The following TEX55 variants were observed in gnomAD, a reference collection of about 807,000 sequenced individuals.
TEX55 encodes testis expressed 55.
Under a neutral mutation model 44.6 loss-of-function variants are expected in TEX55, and 31 were observed. That is an observed-to-expected ratio of 0.69 (90% CI 0.52 to 0.94). TEX55 has a LOEUF of 0.94. Ranked by LOEUF, TEX55 falls within the 40% of genes least tolerant of loss-of-function variation. The probability of loss-of-function intolerance (pLI) is 0.00; values close to 1 mark genes in which losing one functional copy is unlikely to be tolerated. For synonymous variants in TEX55, 230 were observed against 230.9 expected, an observed-to-expected ratio of 1.00 and a Z score of 0.04; for missense variants, 639 against 638.4, an observed-to-expected ratio of 1.00 and a Z score of -0.01.
chr3:119,147,680 T>C, intron 1 of TEX55, 93 bp downstream of exon 1: 1 of 1,042,246 alleles, frequency 9.6e-7, no homozygotes, highest in Non-Finnish European at 1.4e-6. Flanking sequence ...GAAGGGCACA[T>C]GTTGCATCAA....
At position 119,148,209 on chromosome 3, in the gene TEX55, G is replaced by T. The variant is rs200242415; in HGVS notation, c.1428G>T (p.Lys476Asn). The T allele has an allele frequency of 2.0e-5, 32 of 1,608,386 alleles. No homozygotes were observed. The highest frequency in any genetic ancestry group is 1.8e-5 in the Non-Finnish European group (21 of 1,178,416). Residue 476 changes from lysine (K) to asparagine (N), a missense_variant, in exon 2 of 3, where the codon AAG becomes AAT. Coordinates refer to ENST00000295622, the MANE Select transcript of TEX55 (RefSeq NM_152539.3). The stretch of plus-strand genomic sequence containing the variant: ...AATTTTCAGAAATTGACCAAGGAAA[G>T]GGTTATCATATACGCAATCAAACTT... ...SDEFSEIDQG[K>N]GYHIRNQTYR...
At position 119,147,638 on chromosome 3, in the gene TEX55, G is replaced by A. The variant is rs138663419; in HGVS notation, c.1398+51G>A. ...TACCTGGGAGATCAGAGATCTAGAC[G>A]GGGCCTGGAGAGTAAAAATAGGGGT... On this transcript the variant is annotated intron_variant, in intron 1 of 2. Coordinates refer to ENST00000295622, the MANE Select transcript of TEX55 (RefSeq NM_152539.3). The A allele has an allele frequency of 7.0e-5, 103 of 1,474,622 alleles. No individual in the cohort carries two copies. In the African/African-American group the frequency reaches 1.1e-3, roughly 16 times the overall value. 91.3% of individuals were successfully genotyped at this position (1,474,622 alleles called of 1,614,324 possible).
In TEX55 at chr3:119,147,503, T is replaced by C. The variant is rs2077739068; in HGVS notation, c.1314T>C (p.Ala438=). Residue 438 remains alanine (A), a synonymous_variant, in exon 1 of 3, where the codon GCT becomes GCC. Transcript: ENST00000295622. Reference sequence around the variant, plus strand: ...GTAACTTCCAAGCAAAAGACCAAGCTCTTTTCCCAAGACTCCCCTCCATCT... The same window carrying C: ...GTAACTTCCAAGCAAAAGACCAAGCCCTTTTCCCAAGACTCCCCTCCATCT... ...FTSNFQAKDQ[A]LFPRLPSISS... is the part of the protein sequence containing the mutation. The C allele has an allele frequency of 6.2e-7, 1 of 1,613,900 alleles. No individual in the cohort carries two copies.
Position 119,147,395 on chromosome 3 carries a change from C to A in TEX55, c.1206C>A (p.Leu402=). 1 of 1,614,186 alleles carries A rather than the reference C, an allele frequency of 6.2e-7. No individual in the cohort carries two copies. Among genetic ancestry groups the A allele is most frequent in the African/African-American group, 1.3e-5 (1 of 75,052 alleles). Residue 402 remains leucine (L), a synonymous_variant, in exon 1 of 3, where the codon CTC becomes CTA. Coordinates refer to ENST00000295622, the MANE Select transcript of TEX55 (RefSeq NM_152539.3). ...AATTTGAGGATAGCCAAGTAGACCT[C>A]AATTCCAAGCCTTCAGTTGAAATGG... ...PCKFEDSQVD[L]NSKPSVEMET...
At chr3:119,150,202 G>T (rs543155110) in intron 2 of TEX55, among the ~76,000 whole-genome samples, 1 of 152,040 alleles carries the variant, frequency 6.6e-6, no homozygotes, top group South Asian at 2.1e-4. Flanking sequence ...CTTTTTGTTG[G>T]AAGAGTACTA....
intron 2 of TEX55, among the ~76,000 whole-genome samples, chr3:119,149,346 G>A (rs571181465): frequency 2.0e-5 from 3 of 152,084 alleles, no homozygotes; most frequent in Admixed American, 6.5e-5. Flanking sequence ...ATGCCTACAG[G>A]ATCAGGATCA....
At chr3:119,147,880 T>C (rs2077745088) in intron 1 of TEX55, among the ~76,000 whole-genome samples, 1 of 152,222 alleles carries the variant, frequency 6.6e-6, no homozygotes. Flanking sequence ...TCTGTGATAT[T>C]AAGTCATTTT....
Position 119,151,367 on chromosome 3 carries a change from C to A in TEX55, c.*75C>A, listed in dbSNP as rs1471726336. The A allele has an allele frequency of 1.9e-5, 23 of 1,240,738 alleles. No homozygotes were observed. In the South Asian group the frequency reaches 2.7e-4, roughly 14 times the overall value. The allele number at this position is 1,240,738 out of a possible 1,614,324, so 76.9% of individuals were successfully genotyped here. The stretch of plus-strand genomic sequence containing the variant: ...CACACATACAGCAAAGTGTATAGAA[C>A]AAAGTACGTACAACTCTGAATTCTT... On this transcript the variant is annotated 3_prime_UTR_variant, in exon 3 of 3. Transcript: ENST00000295622.
At position 119,146,279 on chromosome 3, in the gene TEX55, GGAA is replaced by G. The variant is rs147862138; in HGVS notation, c.96_98del (p.Glu32del). ...CAAGTGCTGGCCACACTAAGGGCCA[GGAA>G]GAAGACGACCAGAAGAACCAGGCCG... On this transcript the variant is annotated inframe_deletion, in exon 1 of 3. Transcript: ENST00000295622. 0.013 allele frequency: 21,585 copies of G among 1,614,100 alleles called. 722 individuals carry two copies. The East Asian group carries it at 0.14, about 11-fold the overall frequency.
Position 119,147,586 on chromosome 3 carries a change from C to A in TEX55, c.1397C>A (p.Ser466Tyr). 3 of 1,610,318 alleles carry A rather than the reference C, an allele frequency of 1.9e-6. No individual in the cohort carries two copies. The highest frequency in any genetic ancestry group is 2.5e-6 in the Non-Finnish European group (3 of 1,178,190). The change falls in exon 1 of 3, where the codon TCT (serine) becomes TAT (tyrosine). Residue 466 changes from serine to tyrosine, a missense_variant and splice_region_variant. Physicochemically the swap from Ser to Tyr is moderately radical, Grantham distance 144. Transcript: ENST00000295622. ...AAAACTCAAGCCATAGTAACCAAAT[C>A]TGTAAGTTAAATGGGCATTTGATAC... ...QEKTQAIVTK[S>Y]DEFSEIDQGK...
In TEX55 at chr3:119,146,985, G is replaced by T. The variant is rs751336847; in HGVS notation, c.796G>T (p.Val266Phe). The T allele has an allele frequency of 1.2e-6, 2 of 1,614,242 alleles. No individual in the cohort carries two copies. The highest frequency in any genetic ancestry group is 1.1e-5 in the South Asian group (1 of 91,088). Residue 266 changes from valine to phenylalanine, a missense_variant, in exon 1 of 3, where the codon GTT (valine) becomes TTT (phenylalanine). Val to Phe is a conservative substitution (Grantham distance 50, BLOSUM62 -1). Coordinates refer to ENST00000295622, the MANE Select transcript of TEX55 (RefSeq NM_152539.3). ...GATTGACCGCAGAATGTCAGGGAAA[G>T]TTAGGAGAAGAAGTTCTGAGAAGAC... Reference protein sequence around the residue: ...VQIDRRMSGKVRRRSSEKTDY... With the variant: ...VQIDRRMSGKFRRRSSEKTDY...
chr3:119,151,304 A>C lies in TEX55; in HGVS notation c.*12A>C. 1 of 1,611,090 alleles carries C rather than the reference A, an allele frequency of 6.2e-7. No individual in the cohort carries two copies. Among genetic ancestry groups the C allele is most frequent in the Middle Eastern group, 1.7e-4 (1 of 6,052 alleles). On this transcript the variant is annotated 3_prime_UTR_variant, in exon 3 of 3. Coordinates refer to ENST00000295622, the MANE Select transcript of TEX55 (RefSeq NM_152539.3). ...TGTGCCAGGTATAGAATTGGAGAAA[A>C]AGAACAACCTTTTTATTCTCTTTAT...
At position 119,147,575 on chromosome 3, in the gene TEX55, A is replaced by G. The variant is rs2077740105; in HGVS notation, c.1386A>G (p.Ile462Met). Residue 462 changes from isoleucine (I) to methionine (M), a missense_variant, in exon 1 of 3, where the codon ATA becomes ATG. Physicochemically the swap from Ile to Met is conservative, Grantham distance 10 (BLOSUM62 1). Coordinates refer to ENST00000295622, the MANE Select transcript of TEX55 (RefSeq NM_152539.3). ...YTSSQEKTQA[I>M]VTKSDEFSEI... ...GCAGTCAAGAAAAAACTCAAGCCAT[A>G]GTAACCAAATCTGTAAGTTAAATGG... 3 of 1,612,936 alleles carry G rather than the reference A, an allele frequency of 1.9e-6. No individual in the cohort carries two copies. The highest frequency in any genetic ancestry group is 2.5e-6 in the Non-Finnish European group (3 of 1,179,510).
rs765937212 is a variant in TEX55, at chr3:119,146,880, T to C, written c.691T>C (p.Ser231Pro). ...TTCTGTGCAGATTGACAGTGGGTCA[T>C]CCGTCCCATCTGACCAAAGTCCTTC... is the stretch of plus-strand genomic sequence containing the variant. ...RPSVQIDSGS[S>P]VPSDQSPSVQ... Residue 231 changes from serine (S) to proline (P), a missense_variant, in exon 1 of 3, where the codon TCC (serine) becomes CCC (proline). Transcript: ENST00000295622. 1 of 1,614,174 alleles carries C rather than the reference T, an allele frequency of 6.2e-7. No individual in the cohort carries two copies.
rs533220309 is a variant in TEX55 at position 119,148,220 on chromosome 3, T to C, written c.1439T>C (p.Ile480Thr). The stretch of plus-strand genomic sequence containing the variant: ...ATTGACCAAGGAAAGGGTTATCATA[T>C]ACGCAATCAAACTTATAGAAGGTTC... ...SEIDQGKGYH[I>T]RNQTYRRFPS... Residue 480 changes from isoleucine (I) to threonine (T), a missense_variant, in exon 2 of 3, where the codon ATA becomes ACA. By Grantham distance (89) the Ile-to-Thr change is moderately conservative. Coordinates refer to ENST00000295622, the MANE Select transcript of TEX55 (RefSeq NM_152539.3). 2 of 1,611,654 alleles carry C rather than the reference T, an allele frequency of 1.2e-6. No homozygotes were observed. Among genetic ancestry groups the C allele is most frequent in the South Asian group, 2.2e-5 (2 of 90,220 alleles).
In TEX55 at chr3:119,148,198, G is replaced by T; in HGVS notation, c.1417G>T (p.Asp473Tyr). ...VTKSDEFSEIDQGKGYHIRNQ... is the reference protein window; with the variant it reads ...VTKSDEFSEIYQGKGYHIRNQ... ...ATTTCAGGATGAATTTTCAGAAATT[G>T]ACCAAGGAAAGGGTTATCATATACG... The change falls in exon 2 of 3, where the codon GAC (aspartate) becomes TAC (tyrosine). Residue 473 changes from aspartate to tyrosine, a missense_variant. Asp to Tyr is a radical substitution (Grantham distance 160, BLOSUM62 -3). Coordinates refer to ENST00000295622, the MANE Select transcript of TEX55 (RefSeq NM_152539.3). 6.2e-7 allele frequency: 1 copy of T among 1,603,152 alleles called. No homozygotes were observed. The highest frequency in any genetic ancestry group is 1.1e-5 in the South Asian group (1 of 87,520).
chr3:119,146,899 G>A lies in TEX55; in HGVS notation c.710G>A (p.Ser237Asn). Residue 237 changes from serine (S) to asparagine (N), a missense_variant, in exon 1 of 3, where the codon AGT (serine) becomes AAT (asparagine). Physicochemically the swap from Ser to Asn is conservative, Grantham distance 46. Transcript: ENST00000295622. ...GGGTCATCCGTCCCATCTGACCAAAGTCCTTCTGTACAGATTGACAGTGGA... is the reference window on the plus strand; with the variant it reads ...GGGTCATCCGTCCCATCTGACCAAAATCCTTCTGTACAGATTGACAGTGGA... ...DSGSSVPSDQ[S>N]PSVQIDSGSS... 1 of 1,614,054 alleles carries A rather than the reference G, an allele frequency of 6.2e-7. No individual in the cohort carries two copies. The highest frequency in any genetic ancestry group is 8.5e-7 in the Non-Finnish European group (1 of 1,179,916).
In TEX55 at chr3:119,146,274, G is replaced by A. The variant is rs761975462; in HGVS notation, c.85G>A (p.Gly29Ser). The change falls in exon 1 of 3, where the codon GGC becomes AGC. Residue 29 changes from glycine to serine, a missense_variant. By Grantham distance (56) the Gly-to-Ser change is moderately conservative. Coordinates refer to ENST00000295622, the MANE Select transcript of TEX55 (RefSeq NM_152539.3). ...AAPSSAGHTK[G>S]QEEDDQKNQA... ...TCCCTCAAGTGCTGGCCACACTAAGGGCCAGGAAGAAGACGACCAGAAGAA... is the reference window on the plus strand; with the variant it reads ...TCCCTCAAGTGCTGGCCACACTAAGAGCCAGGAAGAAGACGACCAGAAGAA... 5.6e-6 allele frequency: 9 copies of A among 1,613,808 alleles called. No individual in the cohort carries two copies. In the East Asian group the frequency reaches 1.1e-4, roughly 20 times the overall value.
At chr3:119,147,978 T>C (rs1302199608) in intron 1 of TEX55, among the ~76,000 whole-genome samples, 1 of 152,172 alleles carries the variant, frequency 6.6e-6, no homozygotes, top group Non-Finnish European at 1.5e-5. Flanking sequence ...TGATTGGCAA[T>C]GCCTAAGGTA....
Sources: gnomAD v4.1 joint callset for allele counts (sites outside exome capture counted in the v4.1 genomes callset) on GRCh38, gnomAD v4.1.1 for gene constraint, MANE v1.5 for transcripts, NCBI Gene and HGNC (gene_info 2026-07-23, HGNC 2026-07-21) for gene names.